The following ZNF681 variants were observed in gnomAD, a reference collection of about 807,000 sequenced individuals.
The protein encoded by ZNF681 is zinc finger protein 681.
In ZNF681, 37 loss-of-function variants were observed where a neutral mutation model predicts 56.0. The observed-to-expected ratio is 0.66, with a 90% confidence interval of 0.51 to 0.87. The LOEUF is 0.87. ZNF681 is among the 40% of genes least tolerant of loss of function. The probability of loss-of-function intolerance (pLI) is 0.00; values close to 1 mark genes in which losing one functional copy is unlikely to be tolerated. For synonymous variants in ZNF681, 225 were observed against 248.6 expected, an observed-to-expected ratio of 0.91 and a Z score of 0.89; for missense variants, 741 against 744.9, an observed-to-expected ratio of 0.99 and a Z score of 0.06.
In ZNF681 at chr19:23,744,837, A is replaced by T. The variant is rs1468932038; in HGVS notation, c.713T>A (p.Phe238Tyr). ...TATCTTATGTGTAGTAAGGTTTGTG[A>T]ACTGGTTACAGGCTTTGCCACATTC... ...CEECGKACNQ[F>Y]TNLTTHKIIY... The change falls in exon 4 of 4, where the codon TTC becomes TAC. Residue 238 changes from phenylalanine to tyrosine, a missense_variant. Coordinates refer to ENST00000402377, the MANE Select transcript of ZNF681 (RefSeq NM_138286.3). The T allele has an allele frequency of 6.2e-7, 1 of 1,609,012 alleles. No homozygotes were observed. The highest frequency in any genetic ancestry group is 8.5e-7 in the Non-Finnish European group (1 of 1,178,314).
At chr19:23,749,035 C>T (rs1004825525) in intron 3 of ZNF681, among the ~76,000 whole-genome samples, 2 of 152,112 alleles carry the variant, frequency 1.3e-5, no homozygotes, top group Non-Finnish European at 2.9e-5. Flanking sequence ...AGCTAGAAGG[C>T]ATATTTGAAT....
chr19:23,743,931 C>T lies in ZNF681; in HGVS notation c.1619G>A (p.Gly540Asp), dbSNP rs1176461291. The T allele has an allele frequency of 1.3e-5, 21 of 1,606,762 alleles. No individual in the cohort carries two copies. Among genetic ancestry groups the T allele is most frequent in the Non-Finnish European group, 1.4e-5 (16 of 1,175,218 alleles). Residue 540 changes from glycine (G) to aspartate (D), a missense_variant, in exon 4 of 4, where the codon GGC (glycine) becomes GAC (aspartate). By Grantham distance (94) the Gly-to-Asp change is moderately conservative (BLOSUM62 -1). Coordinates refer to ENST00000402377, the MANE Select transcript of ZNF681 (RefSeq NM_138286.3). Reference sequence around the variant, plus strand: ...ATGTGAGGAATGGTTAAAGGCTTTGCCACATTCTTCACATGTGTAGGGTTT... The same window carrying T: ...ATGTGAGGAATGGTTAAAGGCTTTGTCACATTCTTCACATGTGTAGGGTTT... ...GEKPYTCEECGKAFNHSSHLA... is the reference protein window; with the variant it reads ...GEKPYTCEECDKAFNHSSHLA...
In ZNF681 at chr19:23,748,213, A is replaced by G. The variant is rs1327725000; in HGVS notation, c.227-2890T>C. 5.3e-5 allele frequency among the ~76,000 whole-genome samples: 8 copies of G among 152,288 alleles called. No individual in the cohort carries two copies. In the South Asian group the frequency reaches 1.4e-3, roughly 28 times the overall value. ...TGCCTTGTAGAAAATAAGTAAAAAT[A>G]TTTGCAAATTATATGTGATAAGAGT... On this transcript the variant is annotated intron_variant, in intron 3 of 3. Transcript: ENST00000402377.
intron 2 of ZNF681, 66 bp downstream of exon 2, chr19:23,755,359 T>G: frequency 6.5e-7 from 1 of 1,533,104 alleles, no homozygotes; most frequent in Non-Finnish European, 8.7e-7. Flanking sequence ...CCTAAAAACA[T>G]TATACAAAAA....
intron 3 of ZNF681, among the ~76,000 whole-genome samples, chr19:23,754,048 T>C (rs371181296): frequency 7.3e-5 from 11 of 151,660 alleles, no homozygotes; most frequent in African/African-American, 2.7e-4. Flanking sequence ...AACGACATCA[T>C]ACTTTATAAT....
At chr19:23,752,467 T>A (rs1024868808) in intron 3 of ZNF681, among the ~76,000 whole-genome samples, 3 of 151,900 alleles carry the variant, frequency 2.0e-5, no homozygotes, top group Non-Finnish European at 2.9e-5. Context: ...TCCTCTCTGA[T>A]ACACAGTGAA....
In ZNF681 at chr19:23,748,559, C is replaced by T. The variant is rs544227082; in HGVS notation, c.227-3236G>A. Among the ~76,000 whole-genome samples, 104 of 152,268 alleles carry T rather than the reference C, an allele frequency of 6.8e-4. 1 individual carries two copies. The highest frequency in any genetic ancestry group is 2.3e-3 in the African/African-American group (96 of 41,554). On this transcript the variant is annotated intron_variant, in intron 3 of 3. Transcript: ENST00000402377. ...ACAAAGGGGTATAGAAGTTCACGGCCCTTATTCACTAGAAGCAAGGAGCCC... is the reference window on the plus strand; with the variant it reads ...ACAAAGGGGTATAGAAGTTCACGGCTCTTATTCACTAGAAGCAAGGAGCCC...
chr19:23,744,233 T>A lies in ZNF681; in HGVS notation c.1317A>T (p.Glu439Asp). Residue 439 changes from glutamate to aspartate, a missense_variant, in exon 4 of 4, where the codon GAA (glutamate) becomes GAT (aspartate). Transcript: ENST00000402377. ...TCTCTTCAGTATGAATATTCTTATGTTCAGTAAGGTTTGAGGATTGGTTAG... is the reference window on the plus strand; with the variant it reads ...TCTCTTCAGTATGAATATTCTTATGATCAGTAAGGTTTGAGGATTGGTTAG... ...KASNQSSNLTEHKNIHTEEKP... is the reference protein window; with the variant it reads ...KASNQSSNLTDHKNIHTEEKP... 1 of 1,613,702 alleles carries A rather than the reference T, an allele frequency of 6.2e-7. No individual in the cohort carries two copies. The highest frequency in any genetic ancestry group is 8.5e-7 in the Non-Finnish European group (1 of 1,179,840).
At position 23,755,482 on chromosome 19, in the gene ZNF681, GTAT is replaced by G; in HGVS notation, c.70_72del (p.Ile24del). ...ATCACATTCCTATATAAATTCTGCT[GTAT>G]AGTGTCCAGGCATTGCCACTCCTCC... On this transcript the variant is annotated inframe_deletion, in exon 2 of 4. Coordinates refer to ENST00000402377, the MANE Select transcript of ZNF681 (RefSeq NM_138286.3). 2 of 1,606,374 alleles carry G rather than the reference GTAT, an allele frequency of 1.2e-6. No homozygotes were observed. The highest frequency in any genetic ancestry group is 1.7e-6 in the Non-Finnish European group (2 of 1,176,032).
chr19:23,747,424 G>A (rs1302971172), intron 3 of ZNF681, among the ~76,000 whole-genome samples: 1 of 151,958 alleles, frequency 6.6e-6, no homozygotes, highest in Non-Finnish European at 1.5e-5. Context: ...CGTATCACGA[G>A]GTCAGGAGAT....
Position 23,744,350 on chromosome 19 carries a change from G to T in ZNF681, c.1200C>A (p.Gly400=). Residue 400 remains glycine, a synonymous_variant, in exon 4 of 4, where the codon GGC becomes GGA. Transcript: ENST00000402377. ...GEKPYKCEEC[G]KAFNKSSHLT... is the part of the protein sequence containing the mutation. ...GGTGTGAGGACTTGTTAAAAGCTTT[G>T]CCACATTCTTCACATTTGTAGGGTT... 6.2e-7 allele frequency: 1 copy of T among 1,613,732 alleles called. No individual in the cohort carries two copies. The highest frequency in any genetic ancestry group is 8.5e-7 in the Non-Finnish European group (1 of 1,179,912).
chr19:23,744,568 G>A lies in ZNF681; in HGVS notation c.982C>T (p.His328Tyr), dbSNP rs1968914623. The A allele has an allele frequency of 1.9e-6, 3 of 1,613,772 alleles. No homozygotes were observed. In the African/African-American group the frequency reaches 4.0e-5, roughly 22 times the overall value. Residue 328 changes from histidine to tyrosine, a missense_variant, in exon 4 of 4, where the codon CAT becomes TAT. Coordinates refer to ENST00000402377, the MANE Select transcript of ZNF681 (RefSeq NM_138286.3). ...AFNQSSHLTRHKIIHTGEKPY... is the reference protein window; with the variant it reads ...AFNQSSHLTRYKIIHTGEKPY... The stretch of plus-strand genomic sequence containing the variant: ...TTCTCTCCAGTATGAATTATCTTAT[G>A]TCTGGTAAGGTGTGAGGACTGGTTG...
intron 3 of ZNF681, among the ~76,000 whole-genome samples, chr19:23,752,624 A>C (rs1337487298): frequency 6.6e-6 from 1 of 152,184 alleles, no homozygotes; most frequent in Admixed American, 6.6e-5. Flanking sequence ...ACAACTACCC[A>C]AGCCCCTTGT....
Position 23,744,815 on chromosome 19 carries a change from C to T in ZNF681, c.735G>A (p.Lys245=), listed in dbSNP as rs1007722395. The change falls in exon 4 of 4, where the codon AAG becomes AAA. Residue 245 remains lysine (K), a synonymous_variant. Transcript: ENST00000402377. The part of the protein sequence containing the change: ...CNQFTNLTTH[K]IIYTRDKLYK... ...AGAGTTTGTCTCTAGTATAAATTAT[C>T]TTATGTGTAGTAAGGTTTGTGAACT... is the stretch of plus-strand genomic sequence containing the variant. The T allele has an allele frequency of 6.2e-6, 10 of 1,613,242 alleles. No homozygotes were observed. The African/African-American group carries it at 1.2e-4, about 19-fold the overall frequency.
intron 3 of ZNF681, among the ~76,000 whole-genome samples, chr19:23,747,134 G>A (rs1968955530): frequency 1.3e-5 from 2 of 151,974 alleles, no homozygotes; most frequent in African/African-American, 2.4e-5. Flanking sequence ...ACAAATAAAT[G>A]TAAGAAAATA....
In ZNF681 at chr19:23,745,369, A is replaced by G. The variant is rs751994289; in HGVS notation, c.227-46T>C. On this transcript the variant is annotated intron_variant, in intron 3 of 3. Coordinates refer to ENST00000402377, the MANE Select transcript of ZNF681 (RefSeq NM_138286.3). Reference sequence around the variant, plus strand: ...AAATGACTCCACTTGATAAGACTCTAAATATACTTTACAAATCCAACCTAT... The same window carrying G: ...AAATGACTCCACTTGATAAGACTCTGAATATACTTTACAAATCCAACCTAT... 55 of 1,414,102 alleles carry G rather than the reference A, an allele frequency of 3.9e-5. No homozygotes were observed. In the African/African-American group the frequency reaches 7.8e-4, roughly 20 times the overall value. 87.6% of individuals were successfully genotyped at this position (1,414,102 alleles called of 1,614,324 possible).
rs764253187 is a variant in ZNF681, at chr19:23,744,332, G to T, written c.1218C>A (p.Ser406=). The T allele has an allele frequency of 1.1e-5, 18 of 1,613,600 alleles. No individual in the cohort carries two copies. In the South Asian group the frequency reaches 2.0e-4, roughly 18 times the overall value. ...TGCTCTTATGTCTAGTAAGGTGTGAGGACTTGTTAAAAGCTTTGCCACATT... is the reference window on the plus strand; with the variant it reads ...TGCTCTTATGTCTAGTAAGGTGTGATGACTTGTTAAAAGCTTTGCCACATT... ...CEECGKAFNK[S]SHLTRHKSIH... Residue 406 remains serine, a synonymous_variant, in exon 4 of 4, where the codon TCC becomes TCA. Transcript: ENST00000402377.
Position 23,756,259 on chromosome 19 carries a change from A to G in ZNF681, c.4-708T>C, listed in dbSNP as rs544238541. Among the ~76,000 whole-genome samples, 352 of 151,976 alleles carry G rather than the reference A, an allele frequency of 2.3e-3. 3 individuals are homozygous for G. The highest frequency in any genetic ancestry group is 2.7e-3 in the Non-Finnish European group (185 of 67,982). On this transcript the variant is annotated intron_variant, in intron 1 of 3. Transcript: ENST00000402377. ...AGAATGGCGTGAACCCAGGAGGCGG[A>G]GCTTGCAGTGAGCTGAGATGATGCC...
chr19:23,747,770 T>C (rs1313929797), intron 3 of ZNF681, among the ~76,000 whole-genome samples: 1 of 152,004 alleles, frequency 6.6e-6, no homozygotes, highest in African/African-American at 2.4e-5. Context: ...TACTTCTGGA[T>C]TTTAAAAAAT....
Sources: allele counts gnomAD v4.1 joint callset (sites outside exome capture counted in the v4.1 genomes callset), GRCh38; gene constraint gnomAD v4.1.1; transcripts MANE v1.5; gene names NCBI Gene and HGNC (gene_info 2026-07-23, HGNC 2026-07-21).